The following OSBPL5 variants were observed in gnomAD, a reference collection of about 807,000 sequenced individuals.
OSBPL5 encodes the protein oxysterol binding protein like 5.
Under a neutral mutation model 111.2 loss-of-function variants are expected in OSBPL5, and 71 were observed. That is an observed-to-expected ratio of 0.64 (90% CI 0.53 to 0.78). The LOEUF (loss-of-function observed/expected upper bound fraction) is 0.78, where lower values mean the gene tolerates loss of function less well. OSBPL5 is among the 30% of genes least tolerant of loss of function. OSBPL5 has a pLI of 0.00. For missense variants in OSBPL5, 1,210 were observed against 1,189.3 expected (o/e 1.02, Z -0.26); for synonymous variants, 549 against 513.9 (o/e 1.07, Z -0.93).
intron 7 of OSBPL5, among the ~76,000 whole-genome samples, chr11:3,115,584 T>TGTAAGGGCTGATTGTAAGGGC: frequency 6.6e-6 from 1 of 152,322 alleles, no homozygotes; most frequent in African/African-American, 2.4e-5. Flanking sequence ...AGGGCTGACT[T>TGTAAGGGCTGATTGTAAGGGC]TGAGAGATAA....
rs371689867 is a variant in OSBPL5 at position 3,118,653 on chromosome 11, A to T, written c.691+894T>A. 6.7e-5 allele frequency among the ~76,000 whole-genome samples: 10 copies of T among 149,078 alleles called. No homozygotes were observed. In the East Asian group the frequency reaches 7.9e-4, roughly 12 times the overall value. ...GTGGTGTGATCTTGGCTCACTGCAA[A>T]CTCTGCCTCCTGGGTTCAAGGGATT... On this transcript the variant is annotated intron_variant, in intron 7 of 21. Coordinates refer to ENST00000263650, the MANE Select transcript of OSBPL5 (RefSeq NM_020896.4).
chr11:3,108,285 T>C lies in OSBPL5; in HGVS notation c.692-340A>G, dbSNP rs544278778. Among the ~76,000 whole-genome samples, 8 of 149,714 alleles carry C rather than the reference T, an allele frequency of 5.3e-5. No individual in the cohort carries two copies. In the East Asian group the frequency reaches 1.6e-3, roughly 29 times the overall value. On this transcript the variant is annotated intron_variant, in intron 7 of 21. Transcript: ENST00000263650. ...TCCCCACGCACCTCCACCACCCACA[T>C]TGCTGACGAGGGGCTGGCATAAGTG...
chr11:3,151,420 T>A (rs79968040), intron 1 of OSBPL5, among the ~76,000 whole-genome samples: 1 of 152,066 alleles, frequency 6.6e-6, no homozygotes, highest in Non-Finnish European at 1.5e-5. Flanking sequence ...GCCACCAGCA[T>A]GAAGAAACTG....
intron 1 of OSBPL5, among the ~76,000 whole-genome samples, chr11:3,159,834 G>A (rs556167629): frequency 5.9e-5 from 9 of 152,186 alleles, no homozygotes; most frequent in African/African-American, 2.2e-4. Flanking sequence ...CTCACCCAGC[G>A]CTTGTGTACA....
intron 1 of OSBPL5, among the ~76,000 whole-genome samples, chr11:3,159,069 C>T (rs1159168241): frequency 6.6e-6 from 1 of 152,178 alleles, no homozygotes; most frequent in Non-Finnish European, 1.5e-5. Flanking sequence ...AGAGGGGAGC[C>T]TGTCAGATGC....
At chr11:3,120,183 G>A (rs544630618) in intron 6 of OSBPL5, among the ~76,000 whole-genome samples, 181 of 152,304 alleles carry the variant, frequency 1.2e-3, no homozygotes, top group Admixed American at 3.6e-3. Context: ...CAGCAGCTGG[G>A]TGAGGGGCTG....
In OSBPL5 at chr11:3,094,339, A is replaced by T; in HGVS notation, c.1622-5T>A. The T allele has an allele frequency of 1.2e-6, 2 of 1,612,696 alleles. No individual in the cohort carries two copies. The highest frequency in any genetic ancestry group is 1.7e-6 in the Non-Finnish European group (2 of 1,179,554). On this transcript the variant is annotated splice_polypyrimidine_tract_variant and splice_region_variant and intron_variant, in intron 14 of 21. Transcript: ENST00000263650. Reference sequence around the variant, plus strand: ...TCATCGTGCCATACAGGATTCCTGAAATGCAGCCAGTGTCAGGGGCCAGGC... The same window carrying T: ...TCATCGTGCCATACAGGATTCCTGATATGCAGCCAGTGTCAGGGGCCAGGC...
chr11:3,100,289 T>C (rs1263071972), intron 13 of OSBPL5, 33 bp from the exon 14 acceptor site: 1 of 1,602,668 alleles, frequency 6.2e-7, no homozygotes, highest in Non-Finnish European at 8.5e-7. Context: ...GACCAGTGAG[T>C]GCGGACAGCC....
At chr11:3,119,741 C>T (rs770023130) in intron 6 of OSBPL5, 110 bp from the exon 7 acceptor site, 7 of 967,734 alleles carry the variant, frequency 7.2e-6, no homozygotes, top group Middle Eastern at 3.0e-4. Context: ...TGGACACCCC[C>T]AGGGCCACAG....
At chr11:3,094,201 C>T (rs1386467939) in intron 15 of OSBPL5, 36 bp downstream of exon 15, 21 of 1,596,256 alleles carry the variant, frequency 1.3e-5, no homozygotes, top group Non-Finnish European at 1.7e-5. Flanking sequence ...CGTTCCTTCC[C>T]TGGCCTCGTC....
At position 3,126,108 on chromosome 11, in the gene OSBPL5, T is replaced by A. The variant is rs1420732929; in HGVS notation, c.219+365A>T. 6.6e-6 allele frequency among the ~76,000 whole-genome samples: 1 copy of A among 152,204 alleles called. No individual in the cohort carries two copies. Among genetic ancestry groups the A allele is most frequent in the Non-Finnish European group, 1.5e-5 (1 of 68,030 alleles). On this transcript the variant is annotated intron_variant, in intron 3 of 21. Transcript: ENST00000263650. The surrounding 1 kb of genome is among the most constrained non-coding windows in gnomAD (Gnocchi z 6.5). ...TGGTGCAGCCGCTGGGAAAGGAGTT[T>A]GGCAGTTCCTCCAAAAGTTAAACAG...
At chr11:3,123,568 G>A (rs1446324781) in intron 3 of OSBPL5, among the ~76,000 whole-genome samples, 1 of 152,218 alleles carries the variant, frequency 6.6e-6, no homozygotes, top group African/African-American at 2.4e-5. Flanking sequence ...CAGAGAAAGC[G>A]TGCCCGCCCT....
At chr11:3,090,008 T>A in intron 20 of OSBPL5, 60 bp from the exon 21 acceptor site, 1 of 1,347,076 alleles carries the variant, frequency 7.4e-7, no homozygotes, top group Non-Finnish European at 1.0e-6. Context: ...GAGCTGGAGG[T>A]CCAGTGGGGC....
intron 7 of OSBPL5, among the ~76,000 whole-genome samples, chr11:3,118,152 A>G (rs1009321590): frequency 3.9e-5 from 6 of 152,254 alleles, no homozygotes; most frequent in Admixed American, 6.5e-5. Context: ...AAAGATTTTT[A>G]AAAAGGGGGG....
chr11:3,116,432 C>T (rs1293241290), intron 7 of OSBPL5, among the ~76,000 whole-genome samples: 3 of 152,136 alleles, frequency 2.0e-5, no homozygotes, highest in Non-Finnish European at 4.4e-5. Flanking sequence ...CTCTTGAATG[C>T]TGGTTTCTGA....
At position 3,120,098 on chromosome 11, in the gene OSBPL5, C is replaced by T. The variant is rs528832524; in HGVS notation, c.606+323G>A. On this transcript the variant is annotated intron_variant, in intron 6 of 21. Coordinates refer to ENST00000263650, the MANE Select transcript of OSBPL5 (RefSeq NM_020896.4). Reference sequence around the variant, plus strand: ...CCCGTTAGAGCTGGCAGGGCAGCCCCGGGTTAGGAGGGGTGAGGGCTGGGC... The same window carrying T: ...CCCGTTAGAGCTGGCAGGGCAGCCCTGGGTTAGGAGGGGTGAGGGCTGGGC... The T allele has an allele frequency of 4.8e-4, 234 of 486,328 alleles. 1 individual carries two copies. The highest frequency in any genetic ancestry group is 2.8e-3 in the Admixed American group (79 of 28,670). 30.1% of individuals were successfully genotyped at this position (486,328 alleles called of 1,614,324 possible).
At chr11:3,095,865 T>A (rs1245750185) in intron 14 of OSBPL5, among the ~76,000 whole-genome samples, 1 of 152,098 alleles carries the variant, frequency 6.6e-6, no homozygotes, top group African/African-American at 2.4e-5. Flanking sequence ...GATCCAGGCA[T>A]TGAGAATCAA....
In OSBPL5 at chr11:3,107,512, C is replaced by CAGAGG; in HGVS notation, c.867-58_867-57insCCTCT. ...TCACAGGTGAGAGCCCAGCACAGCC[C>CAGAGG]TCTGGGCTGCCCACCCCTCGCTGCT... On this transcript the variant is annotated intron_variant, in intron 8 of 21. Coordinates refer to ENST00000263650, the MANE Select transcript of OSBPL5 (RefSeq NM_020896.4). This position sits in a 1 kb window ranked among gnomAD's most constrained non-coding sequence, Gnocchi z 6.1. 1 of 1,569,284 alleles carries CAGAGG rather than the reference C, an allele frequency of 6.4e-7. No homozygotes were observed. Among genetic ancestry groups the CAGAGG allele is most frequent in the Non-Finnish European group, 8.7e-7 (1 of 1,144,314 alleles).
chr11:3,093,053 C>G lies in OSBPL5; in HGVS notation c.1947-1G>C, dbSNP rs1014298467. ...GGCCCTGGTGACGTGCTGCCAGAGC[C>G]TGCGGGCCAGTGACCCATCCTGAGC... On this transcript the variant is annotated splice_acceptor_variant, in intron 17 of 21. Coordinates refer to ENST00000263650, the MANE Select transcript of OSBPL5 (RefSeq NM_020896.4). LOFTEE classifies it high-confidence loss of function. 1 of 1,569,522 alleles carries G rather than the reference C, an allele frequency of 6.4e-7. No individual in the cohort carries two copies. The highest frequency in any genetic ancestry group is 1.3e-5 in the African/African-American group (1 of 74,456).
Sources: allele counts gnomAD v4.1 joint callset (sites outside exome capture counted in the v4.1 genomes callset), GRCh38; gene constraint gnomAD v4.1.1; non-coding constraint Gnocchi (gnomAD v3.1); transcripts MANE v1.5; gene names NCBI Gene and HGNC (gene_info 2026-07-23, HGNC 2026-07-21).